OR4Q3: variants seen among roughly 807,000 people sequenced by gnomAD.
OR4Q3 encodes olfactory receptor 4Q3.
In OR4Q3, 17 loss-of-function variants were observed where a neutral mutation model predicts 18.8. The observed-to-expected ratio is 0.91, with a 90% CI of 0.62 to 1.36. The LOEUF (loss-of-function observed/expected upper bound fraction) is 1.36. Among genes scored for constraint, OR4Q3 ranks in the 40% most tolerant of loss-of-function variants. The pLI, the probability that OR4Q3 is intolerant of heterozygous loss-of-function variation, is 0.00. For missense variants in OR4Q3, 378 were observed against 373.4 expected, an observed-to-expected ratio of 1.01 and a Z score of -0.10; for synonymous variants, 158 against 145.8, an observed-to-expected ratio of 1.08 and a Z score of -0.60.
At chr14:19,749,603 GCA>G, downstream of OR4Q3, 1 of 840 alleles carries the variant, frequency 1.2e-3, no homozygotes, top group African/African-American at 9.3e-3. Context: ...CGGTCTCAAA[GCA>G]AAAAAAAAAA....
chr14:19,748,136 G>A, exon 2 of OR4Q3: 1 of 1,613,924 alleles, frequency 6.2e-7, no homozygotes, highest in Non-Finnish European at 8.5e-7. Flanking sequence ...CCAGAACAAG[G>A]TCTTCTCTAC....
At chr14:19,749,982 TTTC>T, downstream of OR4Q3, among the ~76,000 whole-genome samples, 19 of 116,830 alleles carry the variant, frequency 1.6e-4, no homozygotes, top group African/African-American at 2.9e-4. Flanking sequence ...TCTTTCTTTC[TTTC>T]TTCTTCTTTT....
chr14:19,747,368 C>T, intron 1 of OR4Q3, 38 bp from the exon 2 acceptor site: 1 of 1,137,414 alleles, frequency 8.8e-7, no homozygotes, highest in Non-Finnish European at 1.3e-6. Context: ...TATATATCTA[C>T]CTTAAATCTC....
downstream of OR4Q3, chr14:19,749,495 A>T: frequency 2.0e-5 from 3 of 152,144 alleles, no homozygotes; most frequent in Admixed American, 1.3e-4. Context: ...CTACTCAGGA[A>T]GGCTGAGGCA....
intron 1 of OR4Q3, among the ~76,000 whole-genome samples, chr14:19,747,115 T>G: frequency 6.6e-6 from 1 of 152,236 alleles, no homozygotes. Flanking sequence ...AGGACATTAT[T>G]CTGTCTATTA....
chr14:19,748,101 C>A, exon 2 of OR4Q3: 5 of 1,614,100 alleles, frequency 3.1e-6, no homozygotes, highest in Non-Finnish European at 4.2e-6. Context: ...ATCCTGATCA[C>A]CCTGAGAACA....
downstream of OR4Q3, among the ~76,000 whole-genome samples, chr14:19,749,834 A>C: frequency 1.5e-5 from 2 of 132,030 alleles, no homozygotes; most frequent in African/African-American, 5.8e-5. Context: ...ATTTATCCCA[A>C]TTATACAGAT....
chr14:19,744,172 G>T (rs1329842096), intron 1 of OR4Q3, among the ~76,000 whole-genome samples: 1 of 152,166 alleles, frequency 6.6e-6, no homozygotes, highest in Non-Finnish European at 1.5e-5. Flanking sequence ...TACCACTGTA[G>T]GTACCATCTT....
At chr14:19,752,010 T>G, downstream of OR4Q3, among the ~76,000 whole-genome samples, 1 of 152,244 alleles carries the variant, frequency 6.6e-6, no homozygotes, top group Non-Finnish European at 1.5e-5. Flanking sequence ...TTTCAGCATA[T>G]AAGAAAATTA....
downstream of OR4Q3, among the ~76,000 whole-genome samples, chr14:19,750,497 C>T: frequency 6.6e-6 from 1 of 152,122 alleles, no homozygotes; most frequent in Non-Finnish European, 1.5e-5. Context: ...CACTTTATCT[C>T]CTAATGAATT....
chr14:19,752,271 T>G, downstream of OR4Q3, among the ~76,000 whole-genome samples: 12 of 152,308 alleles, frequency 7.9e-5, no homozygotes, highest in African/African-American at 2.4e-4. Context: ...AAACTATGCA[T>G]CTGACAAAGG....
downstream of OR4Q3, among the ~76,000 whole-genome samples, chr14:19,751,473 T>C: frequency 1.8e-4 from 28 of 152,230 alleles, no homozygotes; most frequent in South Asian, 5.6e-3. Flanking sequence ...TTCTTCTTTA[T>C]ATGTCTGGTA....
exon 2 of OR4Q3, chr14:19,748,008 A>G: frequency 3.7e-6 from 6 of 1,613,924 alleles, no homozygotes; most frequent in East Asian, 2.2e-5. Context: ...ATGGACACCT[A>G]TGTGGTAGAG....
intron 1 of OR4Q3, among the ~76,000 whole-genome samples, chr14:19,743,933 T>C (rs1877371203): frequency 1.3e-5 from 2 of 152,200 alleles, no homozygotes; most frequent in Admixed American, 1.3e-4. Context: ...TTGGATAAGA[T>C]AGGCCCAAAT....
downstream of OR4Q3, among the ~76,000 whole-genome samples, chr14:19,750,011 T>A: frequency 6.7e-6 from 1 of 149,210 alleles, no homozygotes; most frequent in East Asian, 2.0e-4. Context: ...TGAGACAGAG[T>A]CTCACTCTTG....
At chr14:19,751,005 AG>A, downstream of OR4Q3, among the ~76,000 whole-genome samples, 2 of 152,266 alleles carry the variant, frequency 1.3e-5, no homozygotes, top group Non-Finnish European at 2.9e-5. Flanking sequence ...AGGGATTACC[AG>A]GCATGTTTCA....
At chr14:19,747,738 T>A in exon 2 of OR4Q3, 1 of 1,613,926 alleles carries the variant, frequency 6.2e-7, no homozygotes, top group South Asian at 1.1e-5. Flanking sequence ...CAGATCTACT[T>A]CCTCCACTTT....
rs117312748 is a variant in OR4Q3, at chr14:19,744,722, C to G, written c.2+1051C>G. ...CATGAAATGCTTGATAAGGTCTCAT[C>G]TTACTGCTAATGGGATAATGAAGCT... is the stretch of plus-strand genomic sequence containing the variant. On this transcript the variant is annotated intron_variant, in intron 1 of 1. Coordinates refer to ENST00000642117, the Ensembl canonical transcript of OR4Q3. Among the ~76,000 whole-genome samples the G allele has an allele frequency of 1.2e-4, 18 of 152,290 alleles. No homozygotes were observed. The South Asian group carries it at 1.5e-3, about 12-fold the overall frequency.
At chr14:19,750,850 C>G, downstream of OR4Q3, among the ~76,000 whole-genome samples, 1 of 152,242 alleles carries the variant, frequency 6.6e-6, no homozygotes, top group Non-Finnish European at 1.5e-5. Context: ...TAGCTTCACT[C>G]TACTCAACAT....
Sources: allele counts gnomAD v4.1 joint callset (sites outside exome capture counted in the v4.1 genomes callset), GRCh38; gene constraint gnomAD v4.1.1; transcripts MANE v1.5; gene names NCBI Gene and HGNC (gene_info 2026-07-23, HGNC 2026-07-21).